NFIB: variants seen among roughly 807,000 people sequenced by gnomAD.
The protein encoded by NFIB is nuclear factor 1 B-type.
Under a neutral mutation model 61.5 loss-of-function variants are expected in NFIB, and 11 were observed. The ratio of observed to expected loss-of-function variants is 0.18; its 90% CI spans 0.11 to 0.30. The LOEUF is 0.30. Among genes scored for constraint, NFIB ranks in the 10% least tolerant of loss-of-function variants. NFIB has a pLI of 1.00. For synonymous variants in NFIB, 260 were observed against 216.5 expected (o/e 1.20, Z -1.76); for missense variants, 471 against 608.9 (o/e 0.77, Z 2.38).
At chr9:14,466,195 G>A in the NFIB span, among the ~76,000 whole-genome samples, 2 of 152,176 alleles carry the variant, frequency 1.3e-5, no homozygotes, top group Non-Finnish European at 2.9e-5. Flanking sequence ...GTCTGGGATG[G>A]TGCAAGCTGA....
chr9:14,307,196 C>T lies in NFIB; in HGVS notation c.355G>A (p.Asp119Asn). 1 of 1,614,038 alleles carries T rather than the reference C, an allele frequency of 6.2e-7. No individual in the cohort carries two copies. The highest frequency in any genetic ancestry group is 8.5e-7 in the Non-Finnish European group (1 of 1,180,016). The change falls in exon 2 of 11, where the codon GAC becomes AAC. Residue 119 changes from aspartate (D) to asparagine (N), a missense_variant. Transcript: ENST00000380953. This position sits in a 1 kb window ranked among gnomAD's most constrained non-coding sequence, Gnocchi z 5.3. ...ACTTTGTCTGCCTGTCGCAGGCAGT[C>T]GATTCTCCTAATCTTACCCTTCTGG... ...PDQKGKIRRI[D>N]CLRQADKVWR...
chr9:14,261,723 G>C (rs1028493759), intron 2 of NFIB, among the ~76,000 whole-genome samples: 3 of 152,152 alleles, frequency 2.0e-5, no homozygotes, highest in Non-Finnish European at 4.4e-5. Context: ...AACTTAAAGT[G>C]GCCTGGGACA....
rs147697068 is a variant in NFIB, at chr9:14,389,042, G to A, written c.108+9482C>T. ...TTTAAAAGCTTCTCCAGTGATCATA[G>A]TGTGTAGCTTTGGATCAAGAACTGC... On this transcript the variant is annotated intron_variant, in intron 1 of 8. Transcript: ENST00000380934. 1.1e-3 allele frequency among the ~76,000 whole-genome samples: 170 copies of A among 152,328 alleles called. 1 individual carries two copies. Among genetic ancestry groups the A allele is most frequent in the African/African-American group, 4.0e-3 (167 of 41,586 alleles).
the NFIB span, among the ~76,000 whole-genome samples, chr9:14,493,378 T>G: frequency 1.3e-5 from 2 of 152,298 alleles, no homozygotes; most frequent in African/African-American, 2.4e-5. Flanking sequence ...TTTTTTTGCA[T>G]GCTAAATGTA....
upstream of NFIB, among the ~76,000 whole-genome samples, chr9:14,401,819 A>T (rs1339396522): frequency 1.3e-5 from 2 of 152,172 alleles, no homozygotes; most frequent in Non-Finnish European, 2.9e-5. Flanking sequence ...TTATACAGAA[A>T]TTCTTTTCCA....
At position 14,145,650 on chromosome 9, in the gene NFIB, CTTT is replaced by C. The variant is rs34440136; in HGVS notation, c.925+1036_925+1038del. 2.4e-3 allele frequency among the ~76,000 whole-genome samples: 299 copies of C among 125,890 alleles called. 2 individuals are homozygous for C. The highest frequency in any genetic ancestry group is 4.3e-3 in the Middle Eastern group (1 of 230). The allele number at this position is 125,890 out of a possible 152,430, so 82.6% of individuals were successfully genotyped here. On this transcript the variant is annotated intron_variant, in intron 6 of 10. Coordinates refer to ENST00000380953, the MANE Select transcript of NFIB (RefSeq NM_001190737.2). ...AAAACCATTATTCCTTTCTTTTAGA[CTTT>C]TTTTTTTTTTTTTTTGAGACAGGGT...
Position 14,088,119 on chromosome 9 carries a change from T to G in NFIB, c.*190A>C. 7.8e-7 allele frequency: 1 copy of G among 1,279,776 alleles called. No homozygotes were observed. Among genetic ancestry groups the G allele is most frequent in the Non-Finnish European group, 1.0e-6 (1 of 979,302 alleles). The allele number at this position is 1,279,776 out of a possible 1,614,324, so 79.3% of individuals were successfully genotyped here. On this transcript the variant is annotated 3_prime_UTR_variant, in exon 11 of 11. Transcript: ENST00000380953. ...TCTTTCCTTTCTGCCTTTGTGTTGTTTTGTCCAGTCTTCCTCTTTTCCTTT... is the reference window on the plus strand; with the variant it reads ...TCTTTCCTTTCTGCCTTTGTGTTGTGTTGTCCAGTCTTCCTCTTTTCCTTT...
chr9:14,133,689 A>T (rs1331774387), intron 6 of NFIB, among the ~76,000 whole-genome samples: 3 of 152,166 alleles, frequency 2.0e-5, no homozygotes, highest in African/African-American at 7.2e-5. Flanking sequence ...TGTTGAAGAG[A>T]GGAAAGTGTC....
chr9:14,162,322 G>A (rs890249542), intron 3 of NFIB, among the ~76,000 whole-genome samples: 4 of 151,828 alleles, frequency 2.6e-5, no homozygotes, highest in South Asian at 2.1e-4. Flanking sequence ...GTTTTCTGAC[G>A]AGAATGGCTA....
chr9:14,131,489 T>C (rs1283850894), intron 6 of NFIB, among the ~76,000 whole-genome samples: 3 of 152,190 alleles, frequency 2.0e-5, no homozygotes, highest in African/African-American at 7.2e-5. Context: ...AACAAGGTAA[T>C]TTCATCTACA....
the NFIB span, among the ~76,000 whole-genome samples, chr9:14,450,611 T>C: frequency 2.6e-5 from 4 of 152,148 alleles, no homozygotes; most frequent in South Asian, 2.1e-4. Context: ...CTACACTGCA[T>C]TGAGAGACTC....
chr9:14,523,472 C>A, the NFIB span, among the ~76,000 whole-genome samples: 1 of 152,018 alleles, frequency 6.6e-6, no homozygotes, highest in Admixed American at 6.6e-5. Context: ...TGAACTCTCA[C>A]CCAAACACTG....
chr9:14,439,855 G>A, the NFIB span, among the ~76,000 whole-genome samples: 5 of 152,218 alleles, frequency 3.3e-5, no homozygotes, highest in African/African-American at 9.6e-5. Flanking sequence ...GGCGGAAGCC[G>A]TTTGCCCCAG....
intron 2 of NFIB, among the ~76,000 whole-genome samples, chr9:14,225,381 C>T (rs866115105): frequency 7.1e-5 from 10 of 140,734 alleles, no homozygotes; most frequent in Admixed American, 1.5e-4. Flanking sequence ...GGCGTGAACC[C>T]GGGAGGCGGA....
rs138979725 is a variant in NFIB, at chr9:14,207,155, T to C, written c.563-27375A>G. Among the ~76,000 whole-genome samples, 10 of 152,314 alleles carry C rather than the reference T, an allele frequency of 6.6e-5. No individual in the cohort carries two copies. In the East Asian group the frequency reaches 1.9e-3, roughly 29 times the overall value. On this transcript the variant is annotated intron_variant, in intron 2 of 10. Transcript: ENST00000380953. ...TGCTATTATTATTCCCATTTTCAGA[T>C]GAGAAAACTTGCCTAAGGCTATCCA...
chr9:14,527,021 A>G, the NFIB span, among the ~76,000 whole-genome samples: 2 of 152,340 alleles, frequency 1.3e-5, no homozygotes, highest in South Asian at 2.1e-4. Context: ...AGGCACATAC[A>G]TGAAAATAAA....
intron 2 of NFIB, among the ~76,000 whole-genome samples, chr9:14,297,642 C>G (rs1563987370): frequency 6.6e-6 from 1 of 152,118 alleles, no homozygotes; most frequent in Non-Finnish European, 1.5e-5. Flanking sequence ...CACATTGTCT[C>G]TCATCTGTCA....
the NFIB span, among the ~76,000 whole-genome samples, chr9:14,498,992 GTGTA>G: frequency 3.7e-4 from 56 of 151,974 alleles, no homozygotes; most frequent in African/African-American, 1.2e-3. Context: ...TGGCAATTGT[GTGTA>G]TGTGTGTGTG....
chr9:14,202,865 C>A (rs1356284075), intron 2 of NFIB, among the ~76,000 whole-genome samples: 1 of 152,158 alleles, frequency 6.6e-6, no homozygotes, highest in East Asian at 1.9e-4. Flanking sequence ...TTTAGGTTAG[C>A]TGAAAACGAT....
Sources: allele counts gnomAD v4.1 joint callset (sites outside exome capture counted in the v4.1 genomes callset), GRCh38; gene constraint gnomAD v4.1.1; non-coding constraint Gnocchi (gnomAD v3.1); transcripts MANE v1.5; gene names NCBI Gene and HGNC (gene_info 2026-07-23, HGNC 2026-07-21).